Variants in QRFPR observed in about 807,000 individuals in gnomAD.
QRFPR encodes pyroglutamylated RFamide peptide receptor, also known as pyroglutamylated RF-amide peptide receptor.
Under a neutral mutation model 31.3 loss-of-function variants are expected in QRFPR, and 37 were observed. The observed-to-expected ratio is 1.18, with a 90% confidence interval of 0.91 to 1.56. The LOEUF (loss-of-function observed/expected upper bound fraction) is 1.56. Among genes scored for constraint, QRFPR ranks in the 40% most tolerant of loss-of-function variants. The probability of loss-of-function intolerance (pLI) is 0.00; values close to 1 mark genes in which losing one functional copy is unlikely to be tolerated. For missense variants in QRFPR, 542 were observed against 532.5 expected (o/e 1.02, Z -0.18); for synonymous variants, 197 against 192.0 (o/e 1.03, Z -0.22).
At chr4:121,349,086 G>C (rs943693803) in intron 1 of QRFPR, among the ~76,000 whole-genome samples, 44 of 151,508 alleles carry the variant, frequency 2.9e-4, no homozygotes, top group African/African-American at 9.9e-4. Context: ...GACAGAGCAA[G>C]AAGACTCCAT....
chr4:121,370,109 G>T, intron 1 of QRFPR: 1 of 769,602 alleles, frequency 1.3e-6, no homozygotes, highest in Non-Finnish European at 2.4e-6. Context: ...GACTGGCAGG[G>T]GAGGGTAGAC....
At chr4:121,345,031 G>A (rs546920001) in intron 1 of QRFPR, among the ~76,000 whole-genome samples, 2 of 152,180 alleles carry the variant, frequency 1.3e-5, no homozygotes, top group African/African-American at 4.8e-5. Flanking sequence ...TCTTAAAGTC[G>A]GCCTGGAATG....
intron 1 of QRFPR, among the ~76,000 whole-genome samples, chr4:121,361,027 C>T (rs1047229418): frequency 1.3e-5 from 2 of 152,158 alleles, no homozygotes; most frequent in African/African-American, 4.8e-5. Flanking sequence ...AGGAAATGAA[C>T]AAATGACAAA....
At chr4:121,362,312 T>C (rs1469484956) in intron 1 of QRFPR, among the ~76,000 whole-genome samples, 1 of 149,458 alleles carries the variant, frequency 6.7e-6, no homozygotes, top group Non-Finnish European at 1.5e-5. Context: ...CTTTCTTTTT[T>C]AAAAGCATTT....
At chr4:121,329,886 A>G (rs1163512887) in intron 5 of QRFPR, among the ~76,000 whole-genome samples, 172 bp from the exon 6 acceptor site, 1 of 152,220 alleles carries the variant, frequency 6.6e-6, no homozygotes, top group Admixed American at 6.5e-5. Flanking sequence ...AACCTTTGTG[A>G]TGAGTCTTCA....
intron 3 of QRFPR, among the ~76,000 whole-genome samples, chr4:121,333,634 T>A (rs28387679): frequency 0.038 from 5,851 of 152,278 alleles, 212 homozygotes; most frequent in South Asian, 0.11. Context: ...TTCAAACTAT[T>A]GCCAATATAC....
intron 1 of QRFPR, among the ~76,000 whole-genome samples, chr4:121,372,168 G>C (rs765077267): frequency 2.0e-5 from 3 of 152,138 alleles, no homozygotes; most frequent in African/African-American, 4.8e-5. Context: ...TCTCCCACAA[G>C]ACAGGGATAA....
chr4:121,340,158 A>C (rs1196089496), intron 2 of QRFPR: 1 of 295,024 alleles, frequency 3.4e-6, no homozygotes, highest in Admixed American at 4.5e-5. Flanking sequence ...AATGAGTGTT[A>C]ATGTGGCAAT....
chr4:121,358,697 C>T (rs974505996), intron 1 of QRFPR, among the ~76,000 whole-genome samples: 12 of 152,128 alleles, frequency 7.9e-5, no homozygotes, highest in Non-Finnish European at 5.9e-5. Flanking sequence ...ATGAAATTGC[C>T]TCTTTACTCT....
chr4:121,336,961 G>GCAGAGAA, intron 2 of QRFPR, 93 bp from the exon 3 acceptor site: 6 of 1,161,308 alleles, frequency 5.2e-6, no homozygotes, highest in Non-Finnish European at 7.8e-6. Flanking sequence ...CTATGAGAGG[G>GCAGAGAA]CAGCTGTTCT....
intron 4 of QRFPR, among the ~76,000 whole-genome samples, chr4:121,332,533 T>C (rs1725346105): frequency 6.6e-6 from 1 of 152,194 alleles, no homozygotes; most frequent in African/African-American, 2.4e-5. Flanking sequence ...ACCACAGGGT[T>C]CTGACACCAG....
At chr4:121,366,933 T>G (rs556038472) in intron 1 of QRFPR, among the ~76,000 whole-genome samples, 1 of 150,086 alleles carries the variant, frequency 6.7e-6, no homozygotes, top group African/African-American at 2.5e-5. Context: ...TGCCCAGATC[T>G]CAGCAAGTCT....
At chr4:121,367,003 C>T (rs777396214) in intron 1 of QRFPR, among the ~76,000 whole-genome samples, 6 of 150,054 alleles carry the variant, frequency 4.0e-5, no homozygotes, top group Non-Finnish European at 7.4e-5. Context: ...CATTGTTTCA[C>T]GGTCACTCTC....
At chr4:121,337,723 A>AT (rs894811768) in intron 2 of QRFPR, among the ~76,000 whole-genome samples, 3 of 151,564 alleles carry the variant, frequency 2.0e-5, no homozygotes, top group African/African-American at 7.3e-5. Flanking sequence ...AAGTATAATA[A>AT]TAAAAAAAAA....
At chr4:121,357,955 A>G (rs1273203382) in intron 1 of QRFPR, among the ~76,000 whole-genome samples, 2 of 152,150 alleles carry the variant, frequency 1.3e-5, no homozygotes, top group Non-Finnish European at 2.9e-5. Context: ...CCTATGGGTC[A>G]TACACTACTC....
At chr4:121,358,223 A>G (rs1725906836) in intron 1 of QRFPR, among the ~76,000 whole-genome samples, 1 of 152,222 alleles carries the variant, frequency 6.6e-6, no homozygotes, top group South Asian at 2.1e-4. Context: ...TTTATTGCTT[A>G]TTGTCAACAT....
chr4:121,370,421 G>T, intron 1 of QRFPR: 1 of 636,076 alleles, frequency 1.6e-6, no homozygotes, highest in South Asian at 1.5e-5. Flanking sequence ...CGACTAAGCT[G>T]ACAGATGGAT....
chr4:121,334,126 G>T (rs1245197548), intron 3 of QRFPR, among the ~76,000 whole-genome samples: 1 of 152,186 alleles, frequency 6.6e-6, no homozygotes, highest in Non-Finnish European at 1.5e-5. Flanking sequence ...AGCAAAGCAT[G>T]CAAAGGCCAA....
intron 1 of QRFPR, among the ~76,000 whole-genome samples, chr4:121,364,373 A>G (rs1486027991): frequency 2.7e-5 from 4 of 150,350 alleles, no homozygotes; most frequent in Non-Finnish European, 5.9e-5. Flanking sequence ...ATGGTGGCTC[A>G]CGCCTGTAAT....
Sources: gnomAD v4.1 joint callset for allele counts (sites outside exome capture counted in the v4.1 genomes callset) on GRCh38, gnomAD v4.1.1 for gene constraint, MANE v1.5 for transcripts, NCBI Gene and HGNC (gene_info 2026-07-23, HGNC 2026-07-21) for gene names.